ROR1: variants seen among roughly 807,000 people sequenced by gnomAD.
ROR1 encodes the protein ROR family WNT receptor 1, also known as inactive tyrosine-protein kinase transmembrane receptor ROR1.
Under a neutral mutation model 78.8 loss-of-function variants are expected in ROR1, and 19 were observed. That is an observed-to-expected ratio of 0.24 (90% confidence interval 0.17 to 0.35). The LOEUF (loss-of-function observed/expected upper bound fraction) is 0.35. Among genes scored for constraint, ROR1 ranks in the 10% least tolerant of loss-of-function variants. The pLI is 1.00. For synonymous variants in ROR1, 386 were observed against 433.6 expected (o/e 0.89, Z 1.36); for missense variants, 917 against 1,177.8 (o/e 0.78, Z 3.24).
chr1:63,921,607 C>T lies in ROR1; in HGVS notation c.92-87698C>T, dbSNP rs1471992553. Among the ~76,000 whole-genome samples, 3 of 133,334 alleles carry T rather than the reference C, an allele frequency of 2.2e-5. No homozygotes were observed. In the Admixed American group the frequency reaches 2.7e-4, roughly 12 times the overall value. The allele number at this position is 133,334 out of a possible 152,430, so 87.5% of individuals were successfully genotyped here. On this transcript the variant is annotated intron_variant, in intron 1 of 8. Transcript: ENST00000371079. ...GGCACGGTTTACAATGCTAACACAC[C>T]TTAAAGTTAAAGGAAGAATGTACGC...
chr1:64,034,605 A>G (rs894655652), intron 2 of ROR1, among the ~76,000 whole-genome samples: 8 of 151,954 alleles, frequency 5.3e-5, no homozygotes, highest in Non-Finnish European at 8.8e-5. Context: ...ATTCTACTCC[A>G]TTTCCCAAAA....
At chr1:63,872,588 T>C (rs930050540) in intron 1 of ROR1, among the ~76,000 whole-genome samples, 2 of 152,176 alleles carry the variant, frequency 1.3e-5, no homozygotes, top group African/African-American at 4.8e-5. Context: ...CCAAGTTGAA[T>C]TCCTCTCAGA....
At chr1:64,074,302 C>CT (rs1451169823) in intron 4 of ROR1, among the ~76,000 whole-genome samples, 1 of 152,116 alleles carries the variant, frequency 6.6e-6, no homozygotes, top group Non-Finnish European at 1.5e-5. Flanking sequence ...CCTCATTTTT[C>CT]TTTTTCAGCT....
intron 1 of ROR1, among the ~76,000 whole-genome samples, chr1:63,871,965 C>T (rs1464242791): frequency 6.6e-6 from 1 of 152,208 alleles, no homozygotes; most frequent in Non-Finnish European, 1.5e-5. Flanking sequence ...CCCTAATTTA[C>T]ACTAATGAGA....
intron 4 of ROR1, among the ~76,000 whole-genome samples, chr1:64,085,353 G>A (rs1028797749): frequency 1.3e-5 from 2 of 152,086 alleles, no homozygotes; most frequent in African/African-American, 4.8e-5. Flanking sequence ...AGTGGCTCGT[G>A]CGTTGGGTGC....
Position 64,178,778 on chromosome 1 carries a change from G to T in ROR1, c.2737G>T (p.Asp913Tyr). 6.2e-7 allele frequency: 1 copy of T among 1,613,960 alleles called. No individual in the cohort carries two copies. Among genetic ancestry groups the T allele is most frequent in the South Asian group, 1.1e-5 (1 of 91,036 alleles). The change falls in exon 9 of 9, where the codon GAC becomes TAC. Residue 913 changes from aspartate (D) to tyrosine (Y), a missense_variant. By Grantham distance (160) the Asp-to-Tyr change is radical (BLOSUM62 -3). This residue lies in a region of ROR1 where 835 missense variants were observed against 1,069.8 expected (regional missense o/e 0.78). Coordinates refer to ENST00000371079, the MANE Select transcript of ROR1 (RefSeq NM_005012.4). The surrounding 1 kb of genome is among the most constrained non-coding windows in gnomAD (Gnocchi z 4.3). ...CAAATCTCAAAAACCCTACAAAATT[G>T]ACTCAAAGCAAGCATCTTTACTAGG... ...GNKSQKPYKI[D>Y]SKQASLLGDA... is the part of the protein sequence containing the mutation.
At chr1:63,801,741 G>A (rs1644798621) in intron 1 of ROR1, among the ~76,000 whole-genome samples, 2 of 152,248 alleles carry the variant, frequency 1.3e-5, no homozygotes, top group South Asian at 4.1e-4. Context: ...AGTTAAAATA[G>A]GGAGTGAGGA....
intron 1 of ROR1, chr1:63,789,237 C>A (rs1358677170): frequency 1.0e-5 from 6 of 588,992 alleles, no homozygotes; most frequent in Admixed American, 7.6e-5. Context: ...GGGGTCCAAC[C>A]AGACCTTCTT....
chr1:63,856,444 T>G (rs1170003796), intron 1 of ROR1, among the ~76,000 whole-genome samples: 2 of 152,228 alleles, frequency 1.3e-5, no homozygotes, highest in Non-Finnish European at 2.9e-5. Flanking sequence ...TGCTGGGTAG[T>G]TGCCACACAT....
At chr1:64,072,790 G>A (rs926730290) in intron 4 of ROR1, among the ~76,000 whole-genome samples, 4 of 152,126 alleles carry the variant, frequency 2.6e-5, no homozygotes, top group African/African-American at 9.7e-5. Context: ...TCCATGGCAT[G>A]TCTGAGGGAG....
chr1:63,906,885 G>A (rs879314505), intron 1 of ROR1, among the ~76,000 whole-genome samples: 1 of 152,136 alleles, frequency 6.6e-6, no homozygotes, highest in African/African-American at 2.4e-5. Flanking sequence ...AAAGTCCTAA[G>A]TTTCCCAAAT....
At chr1:63,803,856 A>G (rs563497065) in intron 1 of ROR1, among the ~76,000 whole-genome samples, 1 of 152,202 alleles carries the variant, frequency 6.6e-6, no homozygotes, top group Non-Finnish European at 1.5e-5. Context: ...ACCGTGGAAT[A>G]CTACTTCACA....
At chr1:64,081,088 A>G (rs1376049092) in intron 4 of ROR1, among the ~76,000 whole-genome samples, 1 of 152,146 alleles carries the variant, frequency 6.6e-6, no homozygotes, top group Non-Finnish European at 1.5e-5. Context: ...GAAGAATCCT[A>G]GGAAAGCCTC....
chr1:63,870,504 T>G (rs1252737398), intron 1 of ROR1, among the ~76,000 whole-genome samples: 1 of 152,188 alleles, frequency 6.6e-6, no homozygotes, highest in African/African-American at 2.4e-5. Context: ...GAAGGAAATA[T>G]TTGAAAGACT....
chr1:63,925,076 A>G (rs992674421), intron 1 of ROR1, among the ~76,000 whole-genome samples: 5 of 150,052 alleles, frequency 3.3e-5, no homozygotes, highest in East Asian at 3.9e-4. Flanking sequence ...GGTTAGTTAC[A>G]TATGTATACA....
At chr1:63,953,398 T>C (rs920747278) in intron 1 of ROR1, among the ~76,000 whole-genome samples, 1 of 152,220 alleles carries the variant, frequency 6.6e-6, no homozygotes, top group African/African-American at 2.4e-5. Flanking sequence ...CATGTGTACC[T>C]ATGACAACAA....
intron 1 of ROR1, among the ~76,000 whole-genome samples, chr1:64,002,131 CTTTTT>C (rs34252630): frequency 0.039 from 4,127 of 105,918 alleles, 191 homozygotes; most frequent in African/African-American, 0.13. Flanking sequence ...CCAGTTCAAC[CTTTTT>C]TTTTTTTTTT....
intron 8 of ROR1, among the ~76,000 whole-genome samples, chr1:64,162,494 T>C (rs960516387): frequency 6.6e-6 from 1 of 152,202 alleles, no homozygotes; most frequent in Non-Finnish European, 1.5e-5. Context: ...AGGAAGCCAG[T>C]GGACCAGAGA....
chr1:63,919,488 C>CTTTTTTTTTTTTTTTTTTTTTTTTTT (rs10644304), intron 1 of ROR1, among the ~76,000 whole-genome samples: 1 of 122,190 alleles, frequency 8.2e-6, no homozygotes, highest in Non-Finnish European at 1.7e-5. Flanking sequence ...ATTGAATTGG[C>CTTTTTTTTTTTTTTTTTTTTTTTTTT]TTTTTTTTTT....
Sources: allele counts gnomAD v4.1 joint callset (sites outside exome capture counted in the v4.1 genomes callset), GRCh38; gene constraint gnomAD v4.1.1; regional missense constraint gnomAD v4.1.1; non-coding constraint Gnocchi (gnomAD v3.1); transcripts MANE v1.5; gene names NCBI Gene and HGNC (gene_info 2026-07-23, HGNC 2026-07-21).